The following PPP1R16B variants were observed in gnomAD, a reference collection of about 807,000 sequenced individuals.
The protein encoded by PPP1R16B is protein phosphatase 1 regulatory inhibitor subunit 16B.
In PPP1R16B, 14 loss-of-function variants were observed where a neutral mutation model predicts 61.7. The ratio of observed to expected loss-of-function variants is 0.23; its 90% confidence interval spans 0.15 to 0.35. The LOEUF (loss-of-function observed/expected upper bound fraction) is 0.35, where lower values mean the gene tolerates loss of function less well. Among genes scored for constraint, PPP1R16B ranks in the 10% least tolerant of loss-of-function variants. The pLI, the probability that PPP1R16B is intolerant of heterozygous loss-of-function variation, is 1.00. For synonymous variants in PPP1R16B, 266 were observed against 305.3 expected, an observed-to-expected ratio of 0.87 and a Z score of 1.34; for missense variants, 547 against 752.5, an observed-to-expected ratio of 0.73 and a Z score of 3.19.
chr20:38,808,577 A>G (rs995215430), intron 1 of PPP1R16B, among the ~76,000 whole-genome samples: 7 of 151,074 alleles, frequency 4.6e-5, no homozygotes, highest in African/African-American at 1.5e-4. Context: ...GGAGCCAGAG[A>G]GGTCTAATTT....
intron 2 of PPP1R16B, among the ~76,000 whole-genome samples, chr20:38,871,654 A>AAGGG (rs544581795): frequency 0.021 from 1,959 of 92,232 alleles, 79 homozygotes; most frequent in African/African-American, 0.078. Context: ...AAGAAAGGGG[A>AAGGG]AGGGAGGGAG....
At chr20:38,902,623 C>T (rs200810086) in intron 5 of PPP1R16B, 45 bp from the exon 6 acceptor site, 60 of 1,612,148 alleles carry the variant, frequency 3.7e-5, no homozygotes, top group African/African-American at 5.3e-5. Context: ...CCTCTGGGGT[C>T]GTAGGCCTGA....
chr20:38,911,607 G>A (rs779927145), intron 10 of PPP1R16B, among the ~76,000 whole-genome samples: 6 of 150,788 alleles, frequency 4.0e-5, no homozygotes, highest in Non-Finnish European at 7.4e-5. Context: ...CGTGCTCTTG[G>A]CTCACTACAA....
chr20:38,841,543 G>A (rs1350713984), intron 2 of PPP1R16B, among the ~76,000 whole-genome samples: 6 of 151,866 alleles, frequency 4.0e-5, no homozygotes, highest in African/African-American at 9.7e-5. Flanking sequence ...CAAACAGAAA[G>A]CCTTTTCATC....
At chr20:38,852,219 CA>C (rs1177143385) in intron 2 of PPP1R16B, among the ~76,000 whole-genome samples, 1 of 152,186 alleles carries the variant, frequency 6.6e-6, no homozygotes, top group African/African-American at 2.4e-5. Context: ...GACTTCAACC[CA>C]TCTTGGTGAT....
chr20:38,813,287 G>A (rs1311578771), intron 1 of PPP1R16B, among the ~76,000 whole-genome samples: 1 of 152,224 alleles, frequency 6.6e-6, no homozygotes, highest in African/African-American at 2.4e-5. Context: ...TCAAAAACAT[G>A]TATCCAGGTA....
chr20:38,853,293 C>A (rs1312744924), intron 2 of PPP1R16B, among the ~76,000 whole-genome samples: 1 of 152,184 alleles, frequency 6.6e-6, no homozygotes, highest in Non-Finnish European at 1.5e-5. Context: ...TACCAACAAA[C>A]AGAGCTGGTC....
rs1234522036 is a variant in PPP1R16B, at chr20:38,898,836, AACAACAAC to A, written c.468-1743_468-1736del. On this transcript the variant is annotated intron_variant, in intron 4 of 10. Coordinates refer to ENST00000299824, the MANE Select transcript of PPP1R16B (RefSeq NM_015568.4). ...AAACAACAACAACAACAACAACAAC[AACAACAAC>A]AATCATTGTGATTCTTAAAAGTAAT... Among the ~76,000 whole-genome samples the A allele has an allele frequency of 8.3e-4, 126 of 152,162 alleles. 1 individual carries two copies. The highest frequency in any genetic ancestry group is 3.0e-3 in the African/African-American group (123 of 41,518).
intron 2 of PPP1R16B, among the ~76,000 whole-genome samples, chr20:38,872,534 G>A (rs918069678): frequency 2.6e-5 from 4 of 152,158 alleles, no homozygotes; most frequent in Non-Finnish European, 4.4e-5. Context: ...TTGTTAAAGC[G>A]TAGATTGTTA....
chr20:38,852,792 G>A (rs1225010267), intron 2 of PPP1R16B, among the ~76,000 whole-genome samples: 1 of 141,258 alleles, frequency 7.1e-6, no homozygotes, highest in African/African-American at 2.7e-5. Flanking sequence ...GTAGCATGGG[G>A]GGATAAAGTC....
chr20:38,809,074 G>T (rs2084681821), intron 1 of PPP1R16B, among the ~76,000 whole-genome samples: 1 of 151,912 alleles, frequency 6.6e-6, no homozygotes, highest in Admixed American at 6.6e-5. Flanking sequence ...ACAGCATCTG[G>T]TGTGGGTAGG....
chr20:38,854,833 G>A (rs760043531), intron 2 of PPP1R16B, among the ~76,000 whole-genome samples: 1 of 152,174 alleles, frequency 6.6e-6, no homozygotes, highest in Non-Finnish European at 1.5e-5. Flanking sequence ...ATAAGCCAGA[G>A]GCAAGATTAA....
In PPP1R16B at chr20:38,918,826, T is replaced by C; in HGVS notation, c.*160T>C. The C allele has an allele frequency of 1.2e-6, 1 of 850,480 alleles. No homozygotes were observed. The highest frequency in any genetic ancestry group is 1.6e-6 in the Non-Finnish European group (1 of 612,574). The allele number at this position is 850,480 out of a possible 1,614,324, so 52.7% of individuals were successfully genotyped here. On this transcript the variant is annotated 3_prime_UTR_variant, in exon 11 of 11. Transcript: ENST00000299824. This position sits in a 1 kb window ranked among gnomAD's most constrained non-coding sequence, Gnocchi z 5.3. ...AGCCCTCAGCTGGCTGCCCATAGCA[T>C]CCCATGTCCCACGTCCCGTGGTTCT...
At chr20:38,900,386 T>C (rs1490225867) in intron 4 of PPP1R16B, among the ~76,000 whole-genome samples, 195 bp from the exon 5 acceptor site, 1 of 152,204 alleles carries the variant, frequency 6.6e-6, no homozygotes, top group Non-Finnish European at 1.5e-5. Context: ...CCTGGGACCC[T>C]GGGATCCTGA....
intron 2 of PPP1R16B, among the ~76,000 whole-genome samples, chr20:38,878,463 T>A (rs1482867565): frequency 6.6e-6 from 1 of 152,228 alleles, no homozygotes; most frequent in Non-Finnish European, 1.5e-5. Flanking sequence ...TTGATAGGAA[T>A]GGATTTTATT....
intron 10 of PPP1R16B, among the ~76,000 whole-genome samples, chr20:38,912,499 C>G (rs2145784494): frequency 7.1e-6 from 1 of 140,772 alleles, no homozygotes; most frequent in East Asian, 2.1e-4. Context: ...TCTCTACCCC[C>G]CACCAAAAAA....
rs747620043 is a variant in PPP1R16B, at chr20:38,907,046, T to G, written c.890T>G (p.Met297Arg). The G allele has an allele frequency of 6.2e-7, 1 of 1,613,488 alleles. No homozygotes were observed. The highest frequency in any genetic ancestry group is 1.1e-5 in the South Asian group (1 of 91,060). ...SLSARTSMDE[M>R]PIDLCEEEEF... ...AGTGCAAGGACATCCATGGATGAGA[T>G]GCCAATAGGTAAGTCCAGCACAATA... The change falls in exon 8 of 11, where the codon ATG (methionine) becomes AGG (arginine). Residue 297 changes from methionine (M) to arginine (R), a missense_variant. Transcript: ENST00000299824. This position sits in a 1 kb window ranked among gnomAD's most constrained non-coding sequence, Gnocchi z 4.5.
intron 2 of PPP1R16B, among the ~76,000 whole-genome samples, chr20:38,877,139 G>GT (rs1262365960): frequency 6.6e-6 from 1 of 152,076 alleles, no homozygotes; most frequent in Non-Finnish European, 1.5e-5. Flanking sequence ...ACCTCCAATT[G>GT]TTTAGGCATT....
chr20:38,869,481 T>G (rs1374439580), intron 2 of PPP1R16B, among the ~76,000 whole-genome samples: 1 of 152,204 alleles, frequency 6.6e-6, no homozygotes, highest in Non-Finnish European at 1.5e-5. Context: ...TTTGGAGAAC[T>G]GCCAAACTGT....
Sources: allele counts gnomAD v4.1 joint callset (sites outside exome capture counted in the v4.1 genomes callset), GRCh38; gene constraint gnomAD v4.1.1; non-coding constraint Gnocchi (gnomAD v3.1); transcripts MANE v1.5; gene names NCBI Gene and HGNC (gene_info 2026-07-23, HGNC 2026-07-21).